Variants in DNAH12 observed in about 807,000 individuals in gnomAD.
The protein encoded by DNAH12 is axonemal beta dynein heavy chain 12.
Under a neutral mutation model 371.5 loss-of-function variants are expected in DNAH12, and 285 were observed. The observed-to-expected ratio is 0.77, with a 90% CI of 0.70 to 0.85. DNAH12 has a LOEUF of 0.85. Among genes scored for constraint, DNAH12 ranks in the 40% least tolerant of loss-of-function variants. The probability of loss-of-function intolerance (pLI) is 0.00; values close to 1 mark genes in which losing one functional copy is unlikely to be tolerated. For missense variants in DNAH12, 3,611 were observed against 3,689.4 expected, an observed-to-expected ratio of 0.98 and a Z score of 0.55; for synonymous variants, 1,200 against 1,213.0, an observed-to-expected ratio of 0.99 and a Z score of 0.22.
In DNAH12 at chr3:57,453,071, AAAG is replaced by A; in HGVS notation, c.3614-59_3614-57del. 17 of 1,493,994 alleles carry A rather than the reference AAAG, an allele frequency of 1.1e-5. No individual in the cohort carries two copies. The South Asian group carries it at 2.3e-4, about 20-fold the overall frequency. 92.5% of individuals were successfully genotyped at this position (1,493,994 alleles called of 1,614,324 possible). On this transcript the variant is annotated intron_variant, in intron 24 of 73. Transcript: ENST00000495027. Reference sequence around the variant, plus strand: ...GATCCTTAAATGGAAATAATTTTAAAAAGAAGTATTTTATCTTTTATAACAGCA... The same window carrying A: ...GATCCTTAAATGGAAATAATTTTAAAAAGTATTTTATCTTTTATAACAGCA...
chr3:57,303,197 G>A (rs1051261986), intron 69 of DNAH12, among the ~76,000 whole-genome samples: 3 of 151,580 alleles, frequency 2.0e-5, no homozygotes, highest in African/African-American at 7.3e-5. Context: ...AAATTAGCCA[G>A]TCGTGGTGGT....
At chr3:57,551,517 C>T in the DNAH12 span, among the ~76,000 whole-genome samples, 1 of 151,588 alleles carries the variant, frequency 6.6e-6, no homozygotes, top group East Asian at 2.0e-4. Context: ...GTGATCCGCC[C>T]GCCTTGGCTC....
In DNAH12 at chr3:57,408,343, T is replaced by A; in HGVS notation, c.6213A>T (p.Arg2071Ser). ...AGTACTCTGGAGGAAATTCATGAGT[T>A]CTAAGGTAGAATGCTACAATAGATG... ...IFSSIVAFYL[R>S]THEFPPEYFV... Residue 2071 changes from arginine (R) to serine (S), a missense_variant, in exon 40 of 74, where the codon AGA becomes AGT. Coordinates refer to ENST00000495027, the MANE Select transcript of DNAH12 (RefSeq NM_001366028.2). 6.4e-7 allele frequency: 1 copy of A among 1,551,566 alleles called. No homozygotes were observed. Among genetic ancestry groups the A allele is most frequent in the Non-Finnish European group, 8.7e-7 (1 of 1,146,890 alleles).
In DNAH12 at chr3:57,462,682, A is replaced by C; in HGVS notation, c.2535+8T>G. ...ACATAAAGTATTTCAGTTGATCTTT[A>C]TGTTTACCTTGCTTGCACCTGCACT... On this transcript the variant is annotated splice_region_variant and intron_variant, in intron 18 of 73. Transcript: ENST00000495027. 6.5e-7 allele frequency: 1 copy of C among 1,542,930 alleles called. No homozygotes were observed. Among genetic ancestry groups the C allele is most frequent in the Non-Finnish European group, 8.7e-7 (1 of 1,143,912 alleles).
chr3:57,330,465 A>C (rs1432571325), intron 62 of DNAH12, among the ~76,000 whole-genome samples: 4 of 151,532 alleles, frequency 2.6e-5, no homozygotes, highest in African/African-American at 9.7e-5. Context: ...TTGCAAGGAC[A>C]AAAAACCAAA....
At chr3:57,533,947 C>T (rs555008166) in intron 2 of DNAH12, among the ~76,000 whole-genome samples, 1 of 152,304 alleles carries the variant, frequency 6.6e-6, no homozygotes, top group South Asian at 2.1e-4. Flanking sequence ...GAGTTGCAGT[C>T]CTTGTGGCCT....
rs570966234 is a variant in DNAH12, at chr3:57,439,842, A to G, written c.4546-2782T>C. ...TAAGGAACTTAAACAATTGAACAGG[A>G]AAAAAAAACATTTAAAAATGGGCAA... On this transcript the variant is annotated intron_variant, in intron 29 of 73. Transcript: ENST00000495027. Among the ~76,000 whole-genome samples, 5 of 37,822 alleles carry G rather than the reference A, an allele frequency of 1.3e-4. No homozygotes were observed. The South Asian group carries it at 4.3e-3, about 32-fold the overall frequency. The allele number at this position is 37,822 out of a possible 152,430, so 24.8% of individuals were successfully genotyped here.
intron 58 of DNAH12, among the ~76,000 whole-genome samples, chr3:57,358,734 C>G (rs896943835): frequency 3.9e-5 from 6 of 152,044 alleles, no homozygotes; most frequent in Admixed American, 2.0e-4. Context: ...ACTTTCAATT[C>G]AAATGTCATT....
chr3:57,398,762 G>A (rs1188651858), intron 43 of DNAH12, among the ~76,000 whole-genome samples: 1 of 152,164 alleles, frequency 6.6e-6, no homozygotes, highest in African/African-American at 2.4e-5. Flanking sequence ...CACCGAGGGA[G>A]TCCTTAGTAC....
intron 47 of DNAH12, among the ~76,000 whole-genome samples, chr3:57,386,047 C>G (rs956640978): frequency 6.6e-6 from 1 of 152,030 alleles, no homozygotes; most frequent in African/African-American, 2.4e-5. Flanking sequence ...CTATTACTTA[C>G]GTTGAACTAA....
chr3:57,333,405 A>G (rs1170962521), intron 62 of DNAH12, among the ~76,000 whole-genome samples: 1 of 144,170 alleles, frequency 6.9e-6, no homozygotes, highest in East Asian at 2.0e-4. Context: ...ATCTCTGCTC[A>G]TTGCAACCTC....
In DNAH12 at chr3:57,373,197, C is replaced by A. The variant is rs1228538053; in HGVS notation, c.8759+2174G>T. On this transcript the variant is annotated intron_variant, in intron 55 of 73. Transcript: ENST00000495027. Reference sequence around the variant, plus strand: ...CATGTTTGTTACTCTGGCTTGGGTCCCGCAGCTGTAAGTTACTAGACCTAA... The same window carrying A: ...CATGTTTGTTACTCTGGCTTGGGTCACGCAGCTGTAAGTTACTAGACCTAA... 3.3e-5 allele frequency among the ~76,000 whole-genome samples: 5 copies of A among 152,220 alleles called. No individual in the cohort carries two copies. The South Asian group carries it at 1.0e-3, about 32-fold the overall frequency.
chr3:57,437,177 A>G (rs2065155881), intron 29 of DNAH12, 117 bp from the exon 30 acceptor site: 1 of 700,764 alleles, frequency 1.4e-6, no homozygotes, highest in Admixed American at 3.5e-5. Context: ...ATTGTTTATT[A>G]TTTCTTAAAA....
At chr3:57,357,100 A>C (rs1198546816) in intron 59 of DNAH12, 76 bp downstream of exon 59, 1 of 152,174 alleles carries the variant, frequency 6.6e-6, no homozygotes, top group East Asian at 1.9e-4. Context: ...TTTTAAAAAA[A>C]AGTTACATTT....
intron 4 of DNAH12, among the ~76,000 whole-genome samples, chr3:57,521,215 T>G (rs1254465113): frequency 6.6e-6 from 1 of 152,120 alleles, no homozygotes; most frequent in Non-Finnish European, 1.5e-5. Context: ...TTTTATAGTT[T>G]TATGTTTTAC....
intron 58 of DNAH12, among the ~76,000 whole-genome samples, chr3:57,361,062 A>T (rs934936335): frequency 6.6e-4 from 101 of 151,912 alleles, no homozygotes; most frequent in African/African-American, 2.3e-3. Flanking sequence ...TAAAAATATC[A>T]TTCAGGGCCG....
At chr3:57,532,135 C>A (rs1381357895) in intron 2 of DNAH12, among the ~76,000 whole-genome samples, 1 of 152,108 alleles carries the variant, frequency 6.6e-6, no homozygotes, top group Non-Finnish European at 1.5e-5. Flanking sequence ...GAACGCTGAT[C>A]CATTCTTCAG....
chr3:57,534,359 GTTTT>G, intron 2 of DNAH12, among the ~76,000 whole-genome samples: 1 of 152,132 alleles, frequency 6.6e-6, no homozygotes, highest in Admixed American at 6.5e-5. Flanking sequence ...TTATGAAGGT[GTTTT>G]TTTGTGTGTA....
At chr3:57,303,765 A>G (rs2061412085) in intron 69 of DNAH12, among the ~76,000 whole-genome samples, 1 of 152,116 alleles carries the variant, frequency 6.6e-6, no homozygotes, top group Admixed American at 6.6e-5. Flanking sequence ...TTTCAGCTCA[A>G]TACCATTGTG....
Sources: allele counts gnomAD v4.1 joint callset (sites outside exome capture counted in the v4.1 genomes callset), GRCh38; gene constraint gnomAD v4.1.1; transcripts MANE v1.5; gene names NCBI Gene and HGNC (gene_info 2026-07-23, HGNC 2026-07-21).